DYNC1I1: variants seen among roughly 807,000 people sequenced by gnomAD.
DYNC1I1 encodes the protein cytoplasmic dynein 1 intermediate chain 1.
A neutral mutation model predicts 86.6 loss-of-function variants in DYNC1I1; 43 were observed. The ratio of observed to expected loss-of-function variants is 0.50; its 90% CI spans 0.39 to 0.64. The LOEUF (loss-of-function observed/expected upper bound fraction) is 0.64, where lower values mean the gene tolerates loss of function less well. DYNC1I1 is among the 30% of genes least tolerant of loss of function. The probability of loss-of-function intolerance (pLI) is 0.00; values close to 1 mark genes in which losing one functional copy is unlikely to be tolerated. For synonymous variants in DYNC1I1, 262 were observed against 283.7 expected, an observed-to-expected ratio of 0.92 and a Z score of 0.77; for missense variants, 604 against 788.8, an observed-to-expected ratio of 0.77 and a Z score of 2.81.
At chr7:96,109,457 TTTG>T (rs1375233712) in intron 16 of DYNC1I1, among the ~76,000 whole-genome samples, 1 of 151,866 alleles carries the variant, frequency 6.6e-6, no homozygotes, top group African/African-American at 2.4e-5. Flanking sequence ...CTTTTTCTAG[TTTG>T]TTAAGGTGAA....
chr7:95,818,800 G>T, intron 4 of DYNC1I1: 2 of 333,802 alleles, frequency 6.0e-6, no homozygotes, highest in Non-Finnish European at 1.1e-5. Context: ...TTATATGTAT[G>T]TCATCATATA....
At chr7:95,998,039 T>C (rs1156573496) in intron 10 of DYNC1I1, among the ~76,000 whole-genome samples, 1 of 152,238 alleles carries the variant, frequency 6.6e-6, no homozygotes, top group African/African-American at 2.4e-5. Context: ...GCAATTTGGT[T>C]ACCTTTGTAC....
intron 2 of DYNC1I1, among the ~76,000 whole-genome samples, chr7:95,808,771 A>G (rs1794760635): frequency 6.6e-6 from 1 of 152,182 alleles, no homozygotes; most frequent in African/African-American, 2.4e-5. Flanking sequence ...ATTACTCTCC[A>G]CCAACAGAAA....
intron 14 of DYNC1I1, among the ~76,000 whole-genome samples, chr7:96,045,838 A>G (rs1202348676): frequency 6.6e-6 from 1 of 152,148 alleles, no homozygotes; most frequent in Non-Finnish European, 1.5e-5. Context: ...GTTCCGGTGA[A>G]ATAAGTACTA....
At chr7:95,822,251 A>C (rs1007964718) in intron 4 of DYNC1I1, among the ~76,000 whole-genome samples, 1 of 152,266 alleles carries the variant, frequency 6.6e-6, no homozygotes, top group African/African-American at 2.4e-5. Flanking sequence ...ATTTTATAAG[A>C]AATTAAAAAG....
Position 96,005,729 on chromosome 7 carries a change from C to G in DYNC1I1, c.969+9656C>G, listed in dbSNP as rs564942579. 6.8e-4 allele frequency among the ~76,000 whole-genome samples: 104 copies of G among 152,234 alleles called. No homozygotes were observed. The Middle Eastern group carries it at 0.024, about 35-fold the overall frequency. On this transcript the variant is annotated intron_variant, in intron 10 of 16. Coordinates refer to ENST00000447467, the MANE Select transcript of DYNC1I1 (RefSeq NM_001135556.2). ...CATTCGGCAGATATGTTGAAATTGC[C>G]ACTGGAAGAACGCTCACTCAAGGAC...
intron 4 of DYNC1I1, among the ~76,000 whole-genome samples, chr7:95,821,787 C>T (rs1007579750): frequency 1.3e-5 from 2 of 151,998 alleles, no homozygotes; most frequent in Non-Finnish European, 2.9e-5. Context: ...TATGTTCCTG[C>T]CATATATTGG....
At chr7:95,778,031 A>G (rs1793891078) in intron 1 of DYNC1I1, among the ~76,000 whole-genome samples, 1 of 152,230 alleles carries the variant, frequency 6.6e-6, no homozygotes, top group Non-Finnish European at 1.5e-5. Context: ...TTTGAATCCA[A>G]TTAAAATCTA....
At chr7:95,807,934 T>C (rs1794739869) in intron 2 of DYNC1I1, among the ~76,000 whole-genome samples, 1 of 152,182 alleles carries the variant, frequency 6.6e-6, no homozygotes, top group Non-Finnish European at 1.5e-5. Flanking sequence ...TTTTTAATCA[T>C]TGAGTCAATG....
chr7:96,092,828 A>G (rs1790887546), intron 16 of DYNC1I1, among the ~76,000 whole-genome samples: 1 of 152,162 alleles, frequency 6.6e-6, no homozygotes, highest in Admixed American at 6.5e-5. Flanking sequence ...TTTGTCTTCC[A>G]AGAATCTTAG....
rs1303695706 is a variant in DYNC1I1, at chr7:96,054,677, TCTAA to T, written c.1509+15259_1509+15262del. On this transcript the variant is annotated intron_variant, in intron 14 of 16. Coordinates refer to ENST00000447467, the MANE Select transcript of DYNC1I1 (RefSeq NM_001135556.2). Reference sequence around the variant, plus strand: ...TTCCTGACTTTTTAATGATCTCCATTCTAACTGACAGTGAGGTTTTGATTTGCAT... The same window carrying T: ...TTCCTGACTTTTTAATGATCTCCATTCTGACAGTGAGGTTTTGATTTGCAT... Among the ~76,000 whole-genome samples, 28 of 152,244 alleles carry T rather than the reference TCTAA, an allele frequency of 1.8e-4. 1 individual carries two copies. The highest frequency in any genetic ancestry group is 5.5e-4 in the African/African-American group (23 of 41,558).
intron 6 of DYNC1I1, among the ~76,000 whole-genome samples, chr7:95,955,953 A>G (rs769966282): frequency 2.0e-5 from 3 of 152,164 alleles, no homozygotes; most frequent in Non-Finnish European, 4.4e-5. Context: ...TGAGAGTAAC[A>G]TGGTGTTTGT....
Position 95,833,560 on chromosome 7 carries a change from C to T in DYNC1I1, c.374+5444C>T, listed in dbSNP as rs1374597774. ...CATTGAATCTGTAAATTACCTTGGG[C>T]AGTATGGCCATTTTCACGATATTGA... On this transcript the variant is annotated intron_variant, in intron 5 of 16. Coordinates refer to ENST00000447467, the MANE Select transcript of DYNC1I1 (RefSeq NM_001135556.2). 2.2e-3 allele frequency among the ~76,000 whole-genome samples: 300 copies of T among 136,606 alleles called. 1 individual carries two copies. Among genetic ancestry groups the T allele is most frequent in the African/African-American group, 7.8e-3 (283 of 36,066 alleles). 89.6% of individuals were successfully genotyped at this position (136,606 alleles called of 152,430 possible).
At chr7:95,828,599 G>T (rs1189003279) in intron 5 of DYNC1I1, among the ~76,000 whole-genome samples, 1 of 151,870 alleles carries the variant, frequency 6.6e-6, no homozygotes, top group Non-Finnish European at 1.5e-5. Flanking sequence ...AACAGTTAAA[G>T]ATTCCTGTTT....
At chr7:95,974,510 G>T (rs1374152507) in intron 6 of DYNC1I1, among the ~76,000 whole-genome samples, 2 of 152,124 alleles carry the variant, frequency 1.3e-5, no homozygotes, top group African/African-American at 4.8e-5. Flanking sequence ...GAGAAATGGG[G>T]GCTCAGAGAG....
At chr7:96,090,760 C>G (rs1192168401) in intron 16 of DYNC1I1, among the ~76,000 whole-genome samples, 1 of 152,156 alleles carries the variant, frequency 6.6e-6, no homozygotes, top group African/African-American at 2.4e-5. Flanking sequence ...CTGTGCTGTA[C>G]AGAGACTAAT....
At chr7:95,813,378 TAAAA>T in intron 4 of DYNC1I1, 41 bp downstream of exon 4, 3 of 1,408,466 alleles carry the variant, frequency 2.1e-6, no homozygotes, top group Non-Finnish European at 2.8e-6. Context: ...GGGTGTCAAT[TAAAA>T]AAAAAAAAAA....
At chr7:95,896,585 A>G (rs1315174832) in intron 6 of DYNC1I1, among the ~76,000 whole-genome samples, 2 of 152,190 alleles carry the variant, frequency 1.3e-5, no homozygotes, top group African/African-American at 2.4e-5. Flanking sequence ...AAACATTTAG[A>G]ATTGGTTTCA....
intron 14 of DYNC1I1, among the ~76,000 whole-genome samples, chr7:96,060,470 G>A (rs1789732411): frequency 6.6e-6 from 1 of 152,206 alleles, no homozygotes; most frequent in African/African-American, 2.4e-5. Flanking sequence ...GAAACCCACA[G>A]CCCTGCAAAT....
Sources: gnomAD v4.1 joint callset for allele counts (sites outside exome capture counted in the v4.1 genomes callset) on GRCh38, gnomAD v4.1.1 for gene constraint, MANE v1.5 for transcripts, NCBI Gene and HGNC (gene_info 2026-07-23, HGNC 2026-07-21) for gene names.